SYBU: variants seen among roughly 807,000 people sequenced by gnomAD.
SYBU encodes the protein syntabulin.
In SYBU, 21 loss-of-function variants were observed where a neutral mutation model predicts 35.9. The ratio of observed to expected loss-of-function variants is 0.58; its 90% CI spans 0.41 to 0.84. The LOEUF is 0.84. SYBU is among the 40% of genes least tolerant of loss of function. The pLI is 0.00. For synonymous variants in SYBU, 319 were observed against 324.3 expected (o/e 0.98, Z 0.18); for missense variants, 768 against 848.2 (o/e 0.91, Z 1.17).
chr8:109,672,605 T>C (rs1186549096), intron 1 of SYBU, among the ~76,000 whole-genome samples: 3 of 152,120 alleles, frequency 2.0e-5, no homozygotes, highest in African/African-American at 7.2e-5. Context: ...ACTAGATGGC[T>C]GTTTGGGGAG....
intron 3 of SYBU, among the ~76,000 whole-genome samples, chr8:109,606,034 T>G (rs1826036329): frequency 6.6e-6 from 1 of 152,202 alleles, no homozygotes; most frequent in Admixed American, 6.5e-5. Context: ...CACATATATA[T>G]AGCTATTTAG....
chr8:109,690,517 G>C (rs1377451224), intron 1 of SYBU, among the ~76,000 whole-genome samples: 1 of 152,228 alleles, frequency 6.6e-6, no homozygotes, highest in Non-Finnish European at 1.5e-5. Context: ...GTCAGGGCCA[G>C]AGGACGCAAG....
intron 1 of SYBU, among the ~76,000 whole-genome samples, chr8:109,651,132 A>G (rs75985019): frequency 6.6e-6 from 1 of 152,348 alleles, no homozygotes; most frequent in Non-Finnish European, 1.5e-5. Context: ...CTGGAAGCCT[A>G]GAAGTTTCAG....
intron 2 of SYBU, among the ~76,000 whole-genome samples, chr8:109,635,518 T>C (rs1027465956): frequency 6.6e-6 from 1 of 152,170 alleles, no homozygotes; most frequent in Non-Finnish European, 1.5e-5. Flanking sequence ...AGAATTTTCT[T>C]TAGGGCTCCA....
chr8:109,669,394 T>C (rs1816893455), intron 1 of SYBU, among the ~76,000 whole-genome samples: 1 of 150,324 alleles, frequency 6.7e-6, no homozygotes, highest in East Asian at 1.9e-4. Flanking sequence ...TTTGAAGATA[T>C]TTGTTGTCTC....
intron 2 of SYBU, among the ~76,000 whole-genome samples, chr8:109,625,197 A>G (rs1415819767): frequency 6.6e-6 from 1 of 152,162 alleles, no homozygotes; most frequent in Non-Finnish European, 1.5e-5. Context: ...TGATGTCTGG[A>G]GATTTGCTTT....
intron 1 of SYBU, among the ~76,000 whole-genome samples, chr8:109,690,317 C>T (rs1365863466): frequency 6.6e-6 from 1 of 152,208 alleles, no homozygotes; most frequent in Non-Finnish European, 1.5e-5. Context: ...ATACCTGACT[C>T]CTTTTGCCCC....
chr8:109,674,714 C>G (rs759352935), intron 1 of SYBU, among the ~76,000 whole-genome samples: 19 of 152,218 alleles, frequency 1.2e-4, no homozygotes, highest in African/African-American at 3.9e-4. Context: ...ACACTCCACT[C>G]TCAATATTAT....
chr8:109,587,892 T>C (rs1036985206), intron 3 of SYBU, among the ~76,000 whole-genome samples: 3 of 152,212 alleles, frequency 2.0e-5, no homozygotes, highest in Non-Finnish European at 4.4e-5. Context: ...TGTCTAATGA[T>C]GTAATGAGCT....
At chr8:109,655,319 C>T (rs1035705772) in intron 1 of SYBU, among the ~76,000 whole-genome samples, 19 of 152,122 alleles carry the variant, frequency 1.2e-4, no homozygotes, top group African/African-American at 3.9e-4. Context: ...AAATGATTTT[C>T]GGCTTCGAAA....
At chr8:109,671,678 A>G (rs1023732038) in intron 1 of SYBU, among the ~76,000 whole-genome samples, 2 of 152,182 alleles carry the variant, frequency 1.3e-5, no homozygotes, top group African/African-American at 2.4e-5. Context: ...CTCTAATTCA[A>G]TTTTGGTAGG....
At chr8:109,598,339 T>C (rs1247384186) in intron 3 of SYBU, among the ~76,000 whole-genome samples, 1 of 152,274 alleles carries the variant, frequency 6.6e-6, no homozygotes, top group African/African-American at 2.4e-5. Context: ...CTAACCATGC[T>C]GCATGTAATT....
chr8:109,668,190 G>GAGAC (rs1430975040), intron 1 of SYBU, among the ~76,000 whole-genome samples: 1 of 150,370 alleles, frequency 6.7e-6, no homozygotes, highest in Non-Finnish European at 1.5e-5. Context: ...GAGAGAGAGA[G>GAGAC]AGAGAGAGAG....
intron 3 of SYBU, among the ~76,000 whole-genome samples, chr8:109,615,567 C>T (rs377028067): frequency 9.9e-5 from 15 of 152,140 alleles, no homozygotes; most frequent in Middle Eastern, 3.4e-3. Flanking sequence ...GCTGTAGCAA[C>T]GTTTCCAGTG....
intron 3 of SYBU, among the ~76,000 whole-genome samples, chr8:109,589,394 T>C (rs945315722): frequency 2.0e-5 from 3 of 152,218 alleles, no homozygotes; most frequent in Admixed American, 6.5e-5. Context: ...CAACAGTCTT[T>C]GTTCCTCATC....
intron 1 of SYBU, among the ~76,000 whole-genome samples, chr8:109,666,968 T>G (rs1341090547): frequency 6.6e-6 from 1 of 152,160 alleles, no homozygotes; most frequent in Non-Finnish European, 1.5e-5. Flanking sequence ...CCATCTGATT[T>G]TTACATGGAA....
chr8:109,630,044 C>A (rs532811193), intron 2 of SYBU, among the ~76,000 whole-genome samples: 1 of 151,782 alleles, frequency 6.6e-6, no homozygotes, highest in East Asian at 1.9e-4. Flanking sequence ...CAATGATAGA[C>A]TGGATTAAGA....
At chr8:109,600,130 C>T (rs544455294) in intron 3 of SYBU, among the ~76,000 whole-genome samples, 2 of 152,278 alleles carry the variant, frequency 1.3e-5, no homozygotes, top group East Asian at 3.9e-4. Context: ...TTCCAGTATG[C>T]TTGTCAGCTC....
chr8:109,652,378 T>A (rs955251511), intron 1 of SYBU, among the ~76,000 whole-genome samples: 1 of 147,932 alleles, frequency 6.8e-6, no homozygotes, highest in African/African-American at 2.6e-5. Flanking sequence ...CTTTTTCTAC[T>A]CTCTCTCTCT....
Sources: allele counts gnomAD v4.1 joint callset (sites outside exome capture counted in the v4.1 genomes callset), GRCh38; gene constraint gnomAD v4.1.1; transcripts MANE v1.5; gene names NCBI Gene and HGNC (gene_info 2026-07-23, HGNC 2026-07-21).